The following KLHL29 variants were observed in gnomAD, a reference collection of about 807,000 sequenced individuals.
KLHL29 encodes the protein kelch-like protein 29.
Under a neutral mutation model 80.4 loss-of-function variants are expected in KLHL29, and 21 were observed. That is an observed-to-expected ratio of 0.26 (90% CI 0.19 to 0.38). The LOEUF is 0.38. Ranked by LOEUF, KLHL29 falls within the 10% of genes least tolerant of loss-of-function variation. The probability of loss-of-function intolerance (pLI) is 1.00; values close to 1 mark genes in which losing one functional copy is unlikely to be tolerated. For missense variants in KLHL29, 867 were observed against 1,223.9 expected, an observed-to-expected ratio of 0.71 and a Z score of 4.35; for synonymous variants, 511 against 526.8, an observed-to-expected ratio of 0.97 and a Z score of 0.41.
At chr2:23,508,411 G>C (rs1665668503) in intron 2 of KLHL29, among the ~76,000 whole-genome samples, 1 of 152,194 alleles carries the variant, frequency 6.6e-6, no homozygotes, top group South Asian at 2.1e-4. Flanking sequence ...ACCTCTACCG[G>C]GCTTTCTGCT....
rs1210758634 is a variant in KLHL29, at chr2:23,562,294, G to T, written c.98G>T (p.Cys33Phe). 14 of 1,547,144 alleles carry T rather than the reference G, an allele frequency of 9.0e-6. No individual in the cohort carries two copies. The South Asian group carries it at 1.6e-4, about 17-fold the overall frequency. Residue 33 changes from cysteine to phenylalanine, a missense_variant, in exon 3 of 14, where the codon TGC becomes TTC. Coordinates refer to ENST00000486442, the MANE Select transcript of KLHL29 (RefSeq NM_052920.2). This position sits in a 1 kb window ranked among gnomAD's most constrained non-coding sequence, Gnocchi z 4.5. ...VNGTHGTTSI[C>F]SVTSGAGGGT... is the part of the protein sequence containing the mutation. ...GGGACGCATGGGACCACCAGCATCT[G>T]CAGTGTCACCTCGGGGGCCGGTGGC...
In KLHL29 at chr2:23,645,556, G is replaced by A. The variant is rs201013007; in HGVS notation, c.940+2706G>A. On this transcript the variant is annotated intron_variant, in intron 5 of 13. Coordinates refer to ENST00000486442, the MANE Select transcript of KLHL29 (RefSeq NM_052920.2). ...CATGCAATGCCTTGAGATCTAGCTCGTTAAAGTCCCCGATATTCCCTGCTA... is the reference window on the plus strand; with the variant it reads ...CATGCAATGCCTTGAGATCTAGCTCATTAAAGTCCCCGATATTCCCTGCTA... Among the ~76,000 whole-genome samples the A allele has an allele frequency of 2.8e-4, 43 of 152,244 alleles. No individual in the cohort carries two copies. In the East Asian group the frequency reaches 6.9e-3, roughly 25 times the overall value.
At chr2:23,425,783 A>G (rs1004550762) in intron 1 of KLHL29, among the ~76,000 whole-genome samples, 25 of 152,214 alleles carry the variant, frequency 1.6e-4, no homozygotes, top group African/African-American at 6.0e-4. Flanking sequence ...TGGCAGAACA[A>G]TAGCAGCCAG....
At chr2:23,458,485 T>C (rs1165164922) in intron 1 of KLHL29, among the ~76,000 whole-genome samples, 1 of 152,252 alleles carries the variant, frequency 6.6e-6, no homozygotes, top group Non-Finnish European at 1.5e-5. Context: ...GCCCCTGGAC[T>C]ATGTACAGAG....
intron 2 of KLHL29, among the ~76,000 whole-genome samples, chr2:23,522,076 G>A (rs530075920): frequency 6.6e-6 from 1 of 152,282 alleles, no homozygotes; most frequent in East Asian, 1.9e-4. Flanking sequence ...TGCAAAGGAA[G>A]CATCCATAGG....
intron 2 of KLHL29, among the ~76,000 whole-genome samples, chr2:23,540,070 GT>G (rs1041586999): frequency 1.3e-5 from 2 of 152,082 alleles, no homozygotes; most frequent in Non-Finnish European, 2.9e-5. Flanking sequence ...GCTCCTAGTT[GT>G]TTCCCCTGCC....
chr2:23,705,320 G>A (rs1016154707), intron 13 of KLHL29, among the ~76,000 whole-genome samples: 2 of 152,098 alleles, frequency 1.3e-5, no homozygotes, highest in East Asian at 1.9e-4. Context: ...GTGAAACCCC[G>A]TCTCTACTAA....
intron 2 of KLHL29, among the ~76,000 whole-genome samples, chr2:23,559,275 C>T (rs1270110969): frequency 6.6e-6 from 1 of 152,136 alleles, no homozygotes; most frequent in African/African-American, 2.4e-5. Flanking sequence ...GAAAAGGGAG[C>T]CCGCCCAGAT....
intron 5 of KLHL29, among the ~76,000 whole-genome samples, chr2:23,659,249 C>T (rs1286335320): frequency 6.6e-6 from 1 of 152,222 alleles, no homozygotes; most frequent in Non-Finnish European, 1.5e-5. Flanking sequence ...CGCAGCGGCG[C>T]TGGGGGACTT....
intron 1 of KLHL29, among the ~76,000 whole-genome samples, chr2:23,428,691 G>T (rs1286835279): frequency 6.6e-6 from 1 of 152,148 alleles, no homozygotes; most frequent in Non-Finnish European, 1.5e-5. Context: ...ATTTGTGGCC[G>T]AGTGGTGAAC....
chr2:23,521,695 T>C (rs1277484741), intron 2 of KLHL29, among the ~76,000 whole-genome samples: 1 of 152,156 alleles, frequency 6.6e-6, no homozygotes, highest in Non-Finnish European at 1.5e-5. Flanking sequence ...ACCCCATTTC[T>C]TGGGAGGAAA....
chr2:23,515,061 C>T (rs1238886214), intron 2 of KLHL29, among the ~76,000 whole-genome samples: 1 of 152,190 alleles, frequency 6.6e-6, no homozygotes, highest in African/African-American at 2.4e-5. Context: ...CACACAGAGA[C>T]ACTTGGGAAC....
intron 3 of KLHL29, among the ~76,000 whole-genome samples, chr2:23,625,783 G>A (rs1476126488): frequency 6.6e-6 from 1 of 152,224 alleles, no homozygotes; most frequent in Non-Finnish European, 1.5e-5. Context: ...TGGAGATGGG[G>A]CCTTTGGGAG....
At chr2:23,481,778 G>A (rs963771443) in intron 2 of KLHL29, among the ~76,000 whole-genome samples, 14 of 152,212 alleles carry the variant, frequency 9.2e-5, no homozygotes, top group African/African-American at 2.2e-4. Context: ...TCAGCCGGGC[G>A]TGGTGGCACA....
At chr2:23,402,443 C>T (rs888452040) in intron 1 of KLHL29, among the ~76,000 whole-genome samples, 39 of 152,362 alleles carry the variant, frequency 2.6e-4, no homozygotes, top group African/African-American at 8.9e-4. Context: ...CTAGTGTGTG[C>T]TTATCTAGGT....
At chr2:23,705,081 T>C (rs866943869) in intron 13 of KLHL29, among the ~76,000 whole-genome samples, 2 of 152,256 alleles carry the variant, frequency 1.3e-5, no homozygotes, top group African/African-American at 4.8e-5. Context: ...TTCCATGTCA[T>C]GTACCCTAAT....
chr2:23,546,531 G>C (rs1343882270), intron 2 of KLHL29, among the ~76,000 whole-genome samples: 2 of 152,086 alleles, frequency 1.3e-5, no homozygotes, highest in Admixed American at 6.5e-5. Flanking sequence ...ACATTAGAAA[G>C]AGGAGCTAGA....
At chr2:23,479,886 A>G (rs762006439) in intron 2 of KLHL29, among the ~76,000 whole-genome samples, 1 of 152,214 alleles carries the variant, frequency 6.6e-6, no homozygotes, top group Non-Finnish European at 1.5e-5. Flanking sequence ...CTGTTCATGC[A>G]TATCTCTTGG....
chr2:23,511,261 G>A (rs1430043282), intron 2 of KLHL29, among the ~76,000 whole-genome samples: 1 of 152,174 alleles, frequency 6.6e-6, no homozygotes, highest in South Asian at 2.1e-4. Context: ...GACTCCCAGT[G>A]GTGCCCCCTG....
Sources: gnomAD v4.1 joint callset for allele counts (sites outside exome capture counted in the v4.1 genomes callset) on GRCh38, gnomAD v4.1.1 for gene constraint, Gnocchi (gnomAD v3.1) non-coding constraint, MANE v1.5 for transcripts, NCBI Gene and HGNC (gene_info 2026-07-23, HGNC 2026-07-21) for gene names.